ENTPD6: variants seen among roughly 807,000 people sequenced by gnomAD.
ENTPD6 encodes CD39 antigen-like 2.
In ENTPD6, 46 loss-of-function variants were observed where a neutral mutation model predicts 61.5. The observed-to-expected ratio is 0.75, with a 90% CI of 0.59 to 0.96. The LOEUF (loss-of-function observed/expected upper bound fraction) is 0.96. Ranked by LOEUF, ENTPD6 falls within the 40% of genes least tolerant of loss-of-function variation. The pLI is 0.00. For synonymous variants in ENTPD6, 252 were observed against 255.5 expected (o/e 0.99, Z 0.13); for missense variants, 612 against 629.0 (o/e 0.97, Z 0.29).
At chr20:25,203,563 T>G (rs575078835) in intron 1 of ENTPD6, among the ~76,000 whole-genome samples, 1 of 152,376 alleles carries the variant, frequency 6.6e-6, no homozygotes, top group African/African-American at 2.4e-5. Flanking sequence ...CAGTTCAGTT[T>G]TGTATTTCTC....
At chr20:25,220,366 C>A (rs2092581274) in intron 10 of ENTPD6, among the ~76,000 whole-genome samples, 1 of 151,956 alleles carries the variant, frequency 6.6e-6, no homozygotes, top group African/African-American at 2.4e-5. Context: ...GTGCATGTGG[C>A]TGTGGCAGCT....
At chr20:25,222,789 G>T (rs1400944641) in intron 11 of ENTPD6, 49 bp from the exon 12 acceptor site, 1 of 1,602,916 alleles carries the variant, frequency 6.2e-7, no homozygotes, top group South Asian at 1.1e-5. Context: ...CAGCTGTGAG[G>T]CCTGGGTGCT....
intron 6 of ENTPD6, 93 bp from the exon 7 acceptor site, chr20:25,215,583 C>T: frequency 7.6e-7 from 1 of 1,310,018 alleles, no homozygotes; most frequent in Non-Finnish European, 1.1e-6. Context: ...CCTTTATGCT[C>T]CCCAGATCTG....
rs1193632859 is a variant in ENTPD6 at position 25,226,082 on chromosome 20, A to T, written c.*485A>T. 6.5e-6 allele frequency: 1 copy of T among 153,900 alleles called. No homozygotes were observed. Among genetic ancestry groups the T allele is most frequent in the Admixed American group, 6.5e-5 (1 of 15,434 alleles). The allele number at this position is 153,900 out of a possible 1,614,324, so 9.5% of individuals were successfully genotyped here. ...GGGGAAGCCGAGGGACAGCCATAAC[A>T]CCCCCGGGACAGTAGGTCTGGGCGG... On this transcript the variant is annotated 3_prime_UTR_variant, in exon 15 of 15. Coordinates refer to ENST00000376652, the MANE Select transcript of ENTPD6 (RefSeq NM_001247.5).
intron 1 of ENTPD6, among the ~76,000 whole-genome samples, chr20:25,200,846 C>T (rs1490355410): frequency 1.3e-5 from 2 of 150,884 alleles, no homozygotes; most frequent in Non-Finnish European, 2.9e-5. Context: ...TTTCCTCCTC[C>T]TTTTTCTAGC....
At chr20:25,216,594 T>A in intron 7 of ENTPD6, 54 bp from the exon 8 acceptor site, 1 of 1,374,950 alleles carries the variant, frequency 7.3e-7, no homozygotes, top group Non-Finnish European at 1.0e-6. Context: ...GCTTTTCTGC[T>A]GTTCTCGCGA....
chr20:25,218,752 C>A, intron 10 of ENTPD6, 138 bp downstream of exon 10: 2 of 887,232 alleles, frequency 2.3e-6, no homozygotes, highest in Non-Finnish European at 1.7e-6. Flanking sequence ...CACTGCTGTC[C>A]CGCTGCATGC....
Position 25,218,553 on chromosome 20 carries a change from CCTCGGG to C in ENTPD6, c.891_896del (p.Gly298_Leu299del). On this transcript the variant is annotated inframe_deletion, in exon 10 of 15. Transcript: ENST00000376652. ...CACTGAGGTGTCATTCCCACAGCTACCTCGGGCTCGGGCTGATGTCGGCACGCCTGG... is the reference window on the plus strand; with the variant it reads ...CACTGAGGTGTCATTCCCACAGCTACCTCGGGCTGATGTCGGCACGCCTGG... 6.2e-7 allele frequency: 1 copy of C among 1,605,462 alleles called. No individual in the cohort carries two copies. Among genetic ancestry groups the C allele is most frequent in the Non-Finnish European group, 8.5e-7 (1 of 1,177,876 alleles).
chr20:25,225,162 G>A (rs777814828), intron 13 of ENTPD6, 43 bp from the exon 14 acceptor site: 2 of 1,584,622 alleles, frequency 1.3e-6, no homozygotes, highest in African/African-American at 1.4e-5. Flanking sequence ...CCGCCCCCAG[G>A]TGGGAGTCAC....
intron 8 of ENTPD6, 140 bp from the exon 9 acceptor site, chr20:25,217,362 C>T (rs1233345263): frequency 1.3e-6 from 1 of 750,098 alleles, no homozygotes; most frequent in East Asian, 2.6e-5. Flanking sequence ...CTGCTCCTGT[C>T]TCGCAGCCAG....
At chr20:25,209,640 A>G (rs1158525737) in intron 3 of ENTPD6, among the ~76,000 whole-genome samples, 3 of 151,900 alleles carry the variant, frequency 2.0e-5, no homozygotes, top group Admixed American at 1.3e-4. Context: ...TTAAGAAGTA[A>G]TGTTCTGGCC....
At chr20:25,213,534 G>A in intron 5 of ENTPD6, 128 bp downstream of exon 5, 1 of 954,870 alleles carries the variant, frequency 1.0e-6, no homozygotes, top group Non-Finnish European at 1.5e-6. Flanking sequence ...AAAGTTTGCA[G>A]CATCACTTTT....
chr20:25,224,919 G>C (rs569849497), intron 13 of ENTPD6: 307 of 472,894 alleles, frequency 6.5e-4, no homozygotes, highest in Non-Finnish European at 9.7e-4. Context: ...TGGGAGAGGT[G>C]TCCAGGGTCT....
chr20:25,214,726 A>G (rs1272998504), intron 5 of ENTPD6, 141 bp from the exon 6 acceptor site: 10 of 638,050 alleles, frequency 1.6e-5, no homozygotes, highest in African/African-American at 1.8e-5. Context: ...GGTATTTACA[A>G]CTAATTGATC....
chr20:25,196,134 T>A, intron 1 of ENTPD6: 1 of 1,218,878 alleles, frequency 8.2e-7, no homozygotes. Flanking sequence ...GCCCCAGCCC[T>A]GCTGCGTTCA....
rs533751338 is a variant in ENTPD6, at chr20:25,225,074, G to A, written c.1244-131G>A. 8.5e-6 allele frequency: 12 copies of A among 1,418,782 alleles called. No individual in the cohort carries two copies. The South Asian group carries it at 1.5e-4, about 18-fold the overall frequency. The allele number at this position is 1,418,782 out of a possible 1,614,324, so 87.9% of individuals were successfully genotyped here. ...CACTGGGTGCCTTCTGCGCTCAGCT[G>A]CGGCCTTGTCTGTGAATCCGGAGTG... On this transcript the variant is annotated intron_variant, in intron 13 of 14. Transcript: ENST00000376652.
chr20:25,222,051 G>C (rs761265957), intron 11 of ENTPD6: 1 of 154,088 alleles, frequency 6.5e-6, no homozygotes, highest in Non-Finnish European at 1.4e-5. Flanking sequence ...GGACGGCCTC[G>C]TGGGGTAACA....
At position 25,225,566 on chromosome 20, in the gene ENTPD6, C is replaced by A. The variant is rs778481283; in HGVS notation, c.1424C>A (p.Ser475Tyr). The A allele has an allele frequency of 3.1e-6, 5 of 1,614,106 alleles. No individual in the cohort carries two copies. The highest frequency in any genetic ancestry group is 3.4e-6 in the Non-Finnish European group (4 of 1,179,970). Residue 475 changes from serine (S) to tyrosine (Y), a missense_variant, in exon 15 of 15, where the codon TCC becomes TAC. Ser to Tyr is a moderately radical substitution (Grantham distance 144, BLOSUM62 -2). Coordinates refer to ENST00000376652, the MANE Select transcript of ENTPD6 (RefSeq NM_001247.5). ...GGGGCCATTTTTCATTACATCGACT[C>A]CCTGAACAGACAGAAGAGTCCAGCC... ...ALGAIFHYID[S>Y]LNRQKSPAS
chr20:25,223,409 C>T (rs564968017), intron 12 of ENTPD6, among the ~76,000 whole-genome samples: 7 of 152,232 alleles, frequency 4.6e-5, no homozygotes, highest in South Asian at 4.2e-4. Context: ...CAGATTAGGG[C>T]GGAAAAAGGT....
Sources: gnomAD v4.1 joint callset for allele counts (sites outside exome capture counted in the v4.1 genomes callset) on GRCh38, gnomAD v4.1.1 for gene constraint, MANE v1.5 for transcripts, NCBI Gene and HGNC (gene_info 2026-07-23, HGNC 2026-07-21) for gene names.